The following RBFOX1 variants were observed in gnomAD, a reference collection of about 807,000 sequenced individuals.
RBFOX1 encodes the protein RNA binding fox-1 homolog 1.
In RBFOX1, 8 loss-of-function variants were observed where a neutral mutation model predicts 57.7. The observed-to-expected ratio is 0.14, with a 90% CI of 0.08 to 0.25. The LOEUF is 0.25. Ranked by LOEUF, RBFOX1 falls within the 10% of genes least tolerant of loss-of-function variation. The pLI, the probability that RBFOX1 is intolerant of heterozygous loss-of-function variation, is 1.00. For missense variants in RBFOX1, 611 were observed against 548.5 expected (o/e 1.11, Z -1.14); for synonymous variants, 326 against 222.4 (o/e 1.47, Z -4.15).
chr16:5,884,669 C>T (rs1247064121), intron 4 of RBFOX1, among the ~76,000 whole-genome samples: 1 of 152,032 alleles, frequency 6.6e-6, no homozygotes, highest in Non-Finnish European at 1.5e-5. Flanking sequence ...TCGAATAAAT[C>T]AGATTCTGAG....
Position 7,341,776 on chromosome 16 carries a change from C to CTCTTTCCTTCCTTCCTTCCT in RBFOX1, c.28-176369_28-176368insTTTCCTTCCTTCCTTCCTTC, listed in dbSNP as rs1377056870. On this transcript the variant is annotated intron_variant, in intron 4 of 15. Coordinates refer to ENST00000550418, the MANE Select transcript of RBFOX1 (RefSeq NM_018723.4). ...CCTCCTTCCCTCCTTCCCTCCCTCC[C>CTCTTTCCTTCCTTCCTTCCT]TCCTTCCTTCCTTCCTTCCTTCCTT... is the stretch of plus-strand genomic sequence containing the variant. Among the ~76,000 whole-genome samples the CTCTTTCCTTCCTTCCTTCCT allele has an allele frequency of 6.6e-4, 63 of 95,196 alleles. 1 individual carries two copies. Among genetic ancestry groups the CTCTTTCCTTCCTTCCTTCCT allele is most frequent in the African/African-American group, 2.4e-3 (61 of 24,898 alleles). The allele number at this position is 95,196 out of a possible 152,430, so 62.5% of individuals were successfully genotyped here.
At chr16:6,606,827 T>A (rs1328380587) in intron 2 of RBFOX1, among the ~76,000 whole-genome samples, 1 of 152,192 alleles carries the variant, frequency 6.6e-6, no homozygotes, top group East Asian at 1.9e-4. Flanking sequence ...TACGCGTGCA[T>A]GTATCTTTAT....
intron 1 of RBFOX1, among the ~76,000 whole-genome samples, chr16:5,399,225 C>G (rs1426630707): frequency 6.6e-6 from 1 of 152,114 alleles, no homozygotes; most frequent in Non-Finnish European, 1.5e-5. Flanking sequence ...GTGATAATGC[C>G]CAGTAATCAT....
At chr16:7,701,599 C>G (rs544554274) in intron 14 of RBFOX1, among the ~76,000 whole-genome samples, 2 of 152,294 alleles carry the variant, frequency 1.3e-5, no homozygotes, top group South Asian at 2.1e-4. Context: ...CCAGGGACTT[C>G]TCCTCTAGGT....
intron 4 of RBFOX1, among the ~76,000 whole-genome samples, chr16:7,302,197 C>T (rs1245095029): frequency 6.6e-6 from 1 of 152,232 alleles, no homozygotes; most frequent in African/African-American, 2.4e-5. Context: ...GTTGGAGGCA[C>T]TGGTTTTGCA....
At chr16:7,089,111 G>T (rs898020633) in intron 4 of RBFOX1, among the ~76,000 whole-genome samples, 1 of 152,078 alleles carries the variant, frequency 6.6e-6, no homozygotes, top group African/African-American at 2.4e-5. Context: ...ATTTTCCTTT[G>T]TAGCGACTTT....
At chr16:7,086,771 G>A (rs1225572828) in intron 4 of RBFOX1, among the ~76,000 whole-genome samples, 2 of 93,860 alleles carry the variant, frequency 2.1e-5, no homozygotes, top group Non-Finnish European at 4.4e-5. Context: ...ATGAGGGCGT[G>A]TGTATCATCT....
chr16:6,237,922 C>T (rs971286569), intron 1 of RBFOX1, among the ~76,000 whole-genome samples: 1 of 151,470 alleles, frequency 6.6e-6, no homozygotes, highest in Non-Finnish European at 1.5e-5. Flanking sequence ...GAAACCCTGC[C>T]TCTACAAAAA....
At chr16:6,103,962 C>T (rs936057560) in intron 1 of RBFOX1, among the ~76,000 whole-genome samples, 2 of 152,176 alleles carry the variant, frequency 1.3e-5, no homozygotes, top group Non-Finnish European at 2.9e-5. Context: ...CATTGGGGCT[C>T]AGCCTCTGTG....
intron 4 of RBFOX1, among the ~76,000 whole-genome samples, chr16:7,441,038 T>G (rs2098761955): frequency 7.1e-6 from 1 of 141,670 alleles, no homozygotes; most frequent in Non-Finnish European, 1.5e-5. Context: ...GACCCATTTC[T>G]TAAAAACCAA....
intron 2 of RBFOX1, among the ~76,000 whole-genome samples, chr16:6,449,948 G>C (rs1041792194): frequency 2.6e-5 from 4 of 152,188 alleles, no homozygotes; most frequent in African/African-American, 9.7e-5. Flanking sequence ...GATGATGCCA[G>C]GTCAGGAGAG....
intron 14 of RBFOX1, among the ~76,000 whole-genome samples, chr16:7,701,177 G>C (rs1281865927): frequency 1.4e-5 from 2 of 145,938 alleles, no homozygotes; most frequent in Non-Finnish European, 2.9e-5. Context: ...GAGCCAAGTA[G>C]AGATGACTCC....
chr16:7,426,012 C>T (rs56382539), intron 4 of RBFOX1, among the ~76,000 whole-genome samples: 2,104 of 152,288 alleles, frequency 0.014, 43 homozygotes, highest in African/African-American at 0.048. Context: ...TTCAAGGCGG[C>T]ATCTGGGCCT....
chr16:6,659,817 G>A (rs2098689850), intron 3 of RBFOX1, among the ~76,000 whole-genome samples: 1 of 152,142 alleles, frequency 6.6e-6, no homozygotes, highest in Admixed American at 6.5e-5. Context: ...CTGGCTTTGA[G>A]GGTGAGGGAC....
chr16:5,628,381 C>G (rs1015666803), intron 3 of RBFOX1, among the ~76,000 whole-genome samples: 89 of 152,186 alleles, frequency 5.8e-4, no homozygotes, highest in African/African-American at 1.9e-3. Context: ...ATCCTGGGCA[C>G]ATTCTCCATT....
intron 4 of RBFOX1, among the ~76,000 whole-genome samples, chr16:7,154,488 C>G (rs928702538): frequency 6.6e-6 from 1 of 152,188 alleles, no homozygotes; most frequent in African/African-American, 2.4e-5. Context: ...TTGCTTGAAT[C>G]TGCTCAGTGA....
At chr16:6,827,442 G>GCAGT (rs149086412) in intron 3 of RBFOX1, among the ~76,000 whole-genome samples, 9,145 of 152,218 alleles carry the variant, frequency 0.06, 411 homozygotes, top group Non-Finnish European at 0.098. Context: ...GTCAATTGAT[G>GCAGT]CAGTCTCAGT....
chr16:5,799,707 T>C (rs1429045110), intron 3 of RBFOX1, among the ~76,000 whole-genome samples: 2 of 152,196 alleles, frequency 1.3e-5, no homozygotes, highest in Non-Finnish European at 1.5e-5. Flanking sequence ...TGGTGAGGCA[T>C]ATTGAATCCA....
intron 1 of RBFOX1, among the ~76,000 whole-genome samples, chr16:6,022,059 T>G (rs936385413): frequency 1.3e-5 from 2 of 152,290 alleles, no homozygotes; most frequent in African/African-American, 4.8e-5. Flanking sequence ...CCCATTCTGC[T>G]CTCTGCATGT....
Sources: allele counts gnomAD v4.1 joint callset (sites outside exome capture counted in the v4.1 genomes callset), GRCh38; gene constraint gnomAD v4.1.1; transcripts MANE v1.5; gene names NCBI Gene and HGNC (gene_info 2026-07-23, HGNC 2026-07-21).